The following MGAT4C variants were observed in gnomAD, a reference collection of about 807,000 sequenced individuals.
MGAT4C encodes the protein MGAT4 family member C, also known as alpha-1,3-mannosyl-glycoprotein 4-beta-N-acetylglucosaminyltransferase C.
In MGAT4C, 19 loss-of-function variants were observed where a neutral mutation model predicts 40.1. The observed-to-expected ratio is 0.47, with a 90% CI of 0.33 to 0.70. MGAT4C has a LOEUF of 0.70. Among genes scored for constraint, MGAT4C ranks in the 30% least tolerant of loss-of-function variants. The pLI is 0.02. For synonymous variants in MGAT4C, 181 were observed against 187.1 expected (o/e 0.97, Z 0.27); for missense variants, 491 against 563.2 (o/e 0.87, Z 1.30).
intron 2 of MGAT4C, among the ~76,000 whole-genome samples, chr12:86,507,909 C>A (rs1044635774): frequency 6.6e-6 from 1 of 151,942 alleles, no homozygotes; most frequent in Non-Finnish European, 1.5e-5. Flanking sequence ...TGGTTCCATA[C>A]AAATTTTAGG....
chr12:86,286,610 AG>A (rs1187705152), intron 4 of MGAT4C, among the ~76,000 whole-genome samples: 2 of 148,466 alleles, frequency 1.3e-5, no homozygotes, highest in Non-Finnish European at 3.1e-5. Context: ...TTTTAGGTGC[AG>A]GGGAACATGT....
At position 86,460,737 on chromosome 12, in the gene MGAT4C, T is replaced by G. The variant is rs1186117229; in HGVS notation, c.-228-25472A>C. Reference sequence around the variant, plus strand: ...TAAGAATATACTGTTAGTTTTTTTCTTCCCTGAGAAATGTTGGTCATAAAT... The same window carrying G: ...TAAGAATATACTGTTAGTTTTTTTCGTCCCTGAGAAATGTTGGTCATAAAT... On this transcript the variant is annotated intron_variant, in intron 2 of 7. Coordinates refer to the MGAT4C transcript ENST00000548651. 5.3e-5 allele frequency among the ~76,000 whole-genome samples: 8 copies of G among 152,242 alleles called. No individual in the cohort carries two copies. In the East Asian group the frequency reaches 1.5e-3, roughly 29 times the overall value.
At chr12:86,632,771 G>T (rs1267876693) in intron 2 of MGAT4C, among the ~76,000 whole-genome samples, 1 of 150,262 alleles carries the variant, frequency 6.7e-6, no homozygotes, top group Non-Finnish European at 1.5e-5. Flanking sequence ...GTGGGGGGAT[G>T]GGGGAGGGAT....
chr12:86,190,430 C>A (rs1034668746), intron 1 of MGAT4C, among the ~76,000 whole-genome samples: 1 of 152,002 alleles, frequency 6.6e-6, no homozygotes, highest in Admixed American at 6.6e-5. Context: ...CAATAATAAC[C>A]ATTAATGAAC....
chr12:86,325,202 A>G (rs1328801276), intron 4 of MGAT4C, among the ~76,000 whole-genome samples: 1 of 152,154 alleles, frequency 6.6e-6, no homozygotes, highest in South Asian at 2.1e-4. Context: ...CTCTTAATAT[A>G]ATTTAATTCA....
chr12:86,703,750 T>A (rs1047377785), intron 2 of MGAT4C, among the ~76,000 whole-genome samples: 1 of 151,212 alleles, frequency 6.6e-6, no homozygotes, highest in Non-Finnish European at 1.5e-5. Context: ...CATTATCTCC[T>A]ATGTATGCCT....
rs1419745234 is a variant in MGAT4C at position 86,426,517 on chromosome 12, T to A, written c.-120+8640A>T. Among the ~76,000 whole-genome samples, 4 of 152,328 alleles carry A rather than the reference T, an allele frequency of 2.6e-5. No individual in the cohort carries two copies. In the East Asian group the frequency reaches 7.7e-4, roughly 29 times the overall value. On this transcript the variant is annotated intron_variant, in intron 3 of 7. Transcript: ENST00000548651. The stretch of plus-strand genomic sequence containing the variant: ...ATAAGGAAACAAAGGCTTAGGGATG[T>A]CAGGCAACTTGCTCAGGCTAATTCA...
intron 2 of MGAT4C, among the ~76,000 whole-genome samples, chr12:86,720,570 C>G (rs749160072): frequency 7.2e-5 from 11 of 152,104 alleles, no homozygotes; most frequent in Admixed American, 2.0e-4. Flanking sequence ...TGATCTAGCT[C>G]CTTACTCCCT....
chr12:86,653,742 A>C (rs1318328040), intron 2 of MGAT4C, among the ~76,000 whole-genome samples: 1 of 151,390 alleles, frequency 6.6e-6, no homozygotes, highest in East Asian at 1.9e-4. Flanking sequence ...ATGAGTTTTC[A>C]CTCATTTAAA....
At chr12:86,383,096 A>G (rs995674906) in intron 3 of MGAT4C, among the ~76,000 whole-genome samples, 1 of 152,220 alleles carries the variant, frequency 6.6e-6, no homozygotes, top group East Asian at 1.9e-4. Context: ...TTGAAAAGCT[A>G]CAGACATTCA....
intron 1 of MGAT4C, among the ~76,000 whole-genome samples, chr12:86,085,243 A>G (rs937641613): frequency 4.0e-5 from 6 of 151,882 alleles, no homozygotes; most frequent in Non-Finnish European, 8.8e-5. Context: ...TTTTGTTGCA[A>G]TTGCTTTTGG....
intron 1 of MGAT4C, among the ~76,000 whole-genome samples, chr12:86,173,860 A>C (rs977425389): frequency 2.6e-5 from 4 of 151,982 alleles, no homozygotes; most frequent in Non-Finnish European, 4.4e-5. Context: ...ACATAGTTTT[A>C]TGATCTCTAG....
chr12:86,161,078 GC>G (rs1885537829), intron 1 of MGAT4C, among the ~76,000 whole-genome samples: 1 of 151,990 alleles, frequency 6.6e-6, no homozygotes, highest in East Asian at 1.9e-4. Flanking sequence ...AAATGGCCAT[GC>G]TGCCCAAAGC....
At chr12:86,282,080 C>T (rs2406127) in intron 4 of MGAT4C, among the ~76,000 whole-genome samples, 99,315 of 151,848 alleles carry the variant, frequency 0.65, 33,249 homozygotes, top group South Asian at 0.78. Flanking sequence ...TTTTACTTTG[C>T]TCAGTATTTG....
chr12:86,169,301 C>T (rs1484377557), intron 1 of MGAT4C, among the ~76,000 whole-genome samples: 3 of 152,112 alleles, frequency 2.0e-5, no homozygotes, highest in Non-Finnish European at 2.9e-5. Context: ...AGACTTCTAG[C>T]TCAATTTCTT....
intron 2 of MGAT4C, among the ~76,000 whole-genome samples, chr12:86,629,627 A>T (rs547583474): frequency 1.3e-5 from 2 of 152,340 alleles, no homozygotes; most frequent in Non-Finnish European, 2.9e-5. Context: ...CTACATGGAA[A>T]CTGAACAACC....
intron 1 of MGAT4C, among the ~76,000 whole-genome samples, chr12:86,231,351 T>C (rs1488565325): frequency 1.3e-5 from 2 of 152,144 alleles, no homozygotes; most frequent in Non-Finnish European, 2.9e-5. Flanking sequence ...ATACTTGGGG[T>C]AGAGCAAAAC....
intron 4 of MGAT4C, among the ~76,000 whole-genome samples, chr12:86,314,649 GTAGCAT>G (rs988811357): frequency 7.2e-5 from 11 of 152,334 alleles, no homozygotes; most frequent in African/African-American, 2.6e-4. Context: ...CCAATAATCA[GTAGCAT>G]TTCAGGCAAA....
chr12:86,796,165 T>C (rs1418824769), intron 1 of MGAT4C, among the ~76,000 whole-genome samples: 1 of 151,678 alleles, frequency 6.6e-6, no homozygotes, highest in Non-Finnish European at 1.5e-5. Flanking sequence ...TCATGTCTGC[T>C]GTCTCACACT....
Sources: allele counts gnomAD v4.1 joint callset (sites outside exome capture counted in the v4.1 genomes callset), GRCh38; gene constraint gnomAD v4.1.1; transcripts MANE v1.5; gene names NCBI Gene and HGNC (gene_info 2026-07-23, HGNC 2026-07-21).